Variants in ZC3H15 observed in about 807,000 individuals in gnomAD.
ZC3H15 encodes the protein zinc finger CCCH domain-containing protein 15.
In ZC3H15, 15 loss-of-function variants were observed where a neutral mutation model predicts 51.2. The ratio of observed to expected loss-of-function variants is 0.29; its 90% CI spans 0.20 to 0.45. The LOEUF (loss-of-function observed/expected upper bound fraction) is 0.45, where lower values mean the gene tolerates loss of function less well. ZC3H15 is among the 20% of genes least tolerant of loss of function. ZC3H15 has a pLI of 1.00. For missense variants in ZC3H15, 381 were observed against 494.7 expected (o/e 0.77, Z 2.18); for synonymous variants, 144 against 162.8 (o/e 0.88, Z 0.88).
At chr2:186,495,606 C>G (rs1334611754) in intron 2 of ZC3H15, among the ~76,000 whole-genome samples, 1 of 152,212 alleles carries the variant, frequency 6.6e-6, no homozygotes, top group African/African-American at 2.4e-5. Context: ...TAAGTGATCA[C>G]TTTGTTTCCA....
chr2:186,496,132 A>G (rs1685277734), intron 2 of ZC3H15, among the ~76,000 whole-genome samples: 1 of 152,236 alleles, frequency 6.6e-6, no homozygotes, highest in Non-Finnish European at 1.5e-5. Context: ...TTTTAAAAAT[A>G]TGGTTATAAG....
intron 1 of ZC3H15, among the ~76,000 whole-genome samples, chr2:186,492,521 TA>T (rs1325833308): frequency 1.3e-5 from 2 of 152,202 alleles, no homozygotes; most frequent in African/African-American, 4.8e-5. Flanking sequence ...AGCATTTAAG[TA>T]GAGGAAAGCA....
In ZC3H15 at chr2:186,486,360, G is replaced by GT; in HGVS notation, c.-23_-22insT. 6.5e-7 allele frequency: 1 copy of GT among 1,528,874 alleles called. No homozygotes were observed. The highest frequency in any genetic ancestry group is 1.7e-4 in the Middle Eastern group (1 of 5,878). 94.7% of individuals were successfully genotyped at this position (1,528,874 alleles called of 1,614,324 possible). A position where few individuals can be genotyped will look rare whatever the true frequency, so the allele number is the denominator to read the frequency against. The stretch of plus-strand genomic sequence containing the variant: ...ACGGTATTCAGCTGCGCGTAAGTCT[G>GT]GCCGGTGCCATCTGTCTCCGCAATG... On this transcript the variant is annotated 5_prime_UTR_variant, in exon 1 of 10. Transcript: ENST00000337859.
At chr2:186,505,985 G>C (rs1367461280) in intron 8 of ZC3H15, 144 bp downstream of exon 8, 1 of 786,376 alleles carries the variant, frequency 1.3e-6, no homozygotes, top group African/African-American at 1.7e-5. Context: ...ATTAATCTAG[G>C]CCTCCACCCT....
chr2:186,494,096 C>T (rs948546108), intron 1 of ZC3H15, among the ~76,000 whole-genome samples: 1 of 151,416 alleles, frequency 6.6e-6, no homozygotes, highest in Non-Finnish European at 1.5e-5. Context: ...CTCCCCCCAA[C>T]CCCATACTGC....
chr2:186,505,199 TATGAC>T (rs1413764175), intron 6 of ZC3H15: 2 of 221,140 alleles, frequency 9.0e-6, no homozygotes, highest in African/African-American at 4.5e-5. Context: ...AACAATTTCT[TATGAC>T]AAGTTACTCA....
At chr2:186,486,611 C>T (rs902912095) in intron 1 of ZC3H15, among the ~76,000 whole-genome samples, 154 bp downstream of exon 1, 10 of 82,888 alleles carry the variant, frequency 1.2e-4, no homozygotes, top group Non-Finnish European at 1.2e-4. Flanking sequence ...CCCCTGATGA[C>T]GCTAGCTCTC....
chr2:186,501,499 A>C, intron 4 of ZC3H15, 74 bp downstream of exon 4: 1 of 1,233,230 alleles, frequency 8.1e-7, no homozygotes, highest in Non-Finnish European at 1.1e-6. Flanking sequence ...TATTTATTAA[A>C]TTGAAGAACA....
chr2:186,494,024 C>A (rs997718269), intron 1 of ZC3H15, among the ~76,000 whole-genome samples: 27 of 151,396 alleles, frequency 1.8e-4, no homozygotes, highest in African/African-American at 6.1e-4. Flanking sequence ...CACGCTTGCT[C>A]ATACTTGTGC....
At chr2:186,492,875 A>G (rs1374409468) in intron 1 of ZC3H15, among the ~76,000 whole-genome samples, 1 of 152,216 alleles carries the variant, frequency 6.6e-6, no homozygotes, top group Non-Finnish European at 1.5e-5. Flanking sequence ...GAGGGTCTCA[A>G]ATTACTTTGA....
At chr2:186,502,977 A>C (rs570191393) in intron 5 of ZC3H15, among the ~76,000 whole-genome samples, 2 of 152,308 alleles carry the variant, frequency 1.3e-5, no homozygotes, top group East Asian at 3.9e-4. Context: ...TTTAAATTTT[A>C]AGGTTTAAAA....
intron 2 of ZC3H15, among the ~76,000 whole-genome samples, chr2:186,496,084 ATAT>A: frequency 1.3e-5 from 2 of 152,212 alleles, no homozygotes; most frequent in African/African-American, 4.8e-5. Context: ...ACTTACATGT[ATAT>A]ATAGAGTTTA....
Position 186,500,265 on chromosome 2 carries a change from T to A in ZC3H15, c.261T>A (p.Pro87=). The part of the protein sequence containing the change: ...ELQELNELFK[P]VVAAQKISKG... Reference sequence around the variant, plus strand: ...AGGAGCTAAATGAGCTGTTCAAACCTGTAGTTGCTGCTCAAAAAATAAGTA... The same window carrying A: ...AGGAGCTAAATGAGCTGTTCAAACCAGTAGTTGCTGCTCAAAAAATAAGTA... The change falls in exon 3 of 10, where the codon CCT becomes CCA. Residue 87 remains proline (P), a synonymous_variant. Transcript: ENST00000337859. The A allele has an allele frequency of 2.5e-6, 4 of 1,607,482 alleles. No individual in the cohort carries two copies. Among genetic ancestry groups the A allele is most frequent in the Non-Finnish European group, 3.4e-6 (4 of 1,178,454 alleles).
In ZC3H15 at chr2:186,508,622, G is replaced by A. The variant is rs756353259; in HGVS notation, c.1170G>A (p.Glu390=). Residue 390 remains glutamate (E), a synonymous_variant, in exon 10 of 10, where the codon GAG becomes GAA. Transcript: ENST00000337859. Reference sequence around the variant, plus strand: ...ACTTGGAAGAGGACAACGAGAGGGAGGGAACGGAAAATGGAGCCATTGATG... The same window carrying A: ...ACTTGGAAGAGGACAACGAGAGGGAAGGAACGGAAAATGGAGCCATTGATG... The part of the protein sequence containing the change: ...RSDLEEDNER[E]GTENGAIDAV... 3.0e-5 allele frequency: 49 copies of A among 1,613,920 alleles called. No individual in the cohort carries two copies. The highest frequency in any genetic ancestry group is 4.2e-5 in the Non-Finnish European group (49 of 1,179,978).
In ZC3H15 at chr2:186,486,473, TC is replaced by T; in HGVS notation, c.75+21del. 2 of 1,532,540 alleles carry T rather than the reference TC, an allele frequency of 1.3e-6. No individual in the cohort carries two copies. Among genetic ancestry groups the T allele is most frequent in the Non-Finnish European group, 1.8e-6 (2 of 1,136,206 alleles). The allele number at this position is 1,532,540 out of a possible 1,614,324, so 94.9% of individuals were successfully genotyped here. On this transcript the variant is annotated intron_variant, in intron 1 of 9. Transcript: ENST00000337859. The stretch of plus-strand genomic sequence containing the variant: ...GATTATCGAAGTGAGTACCCACCCC[TC>T]CCCCACTCACGCCGCGAGCCCTCCG...
At position 186,508,863 on chromosome 2, in the gene ZC3H15, C is replaced by A; in HGVS notation, c.*130C>A. On this transcript the variant is annotated 3_prime_UTR_variant, in exon 10 of 10. Transcript: ENST00000337859. ...TGATTCTGGAGGAGTTAACCTCCTG[C>A]AAAAAAGGCATCTTGTCCCTACATC... 1 of 947,998 alleles carries A rather than the reference C, an allele frequency of 1.1e-6. No individual in the cohort carries two copies. The highest frequency in any genetic ancestry group is 1.6e-6 in the Non-Finnish European group (1 of 639,488). The allele number at this position is 947,998 out of a possible 1,614,324, so 58.7% of individuals were successfully genotyped here.
intron 1 of ZC3H15, among the ~76,000 whole-genome samples, chr2:186,493,230 G>T (rs1157464123): frequency 5.9e-5 from 9 of 152,078 alleles, no homozygotes; most frequent in Non-Finnish European, 1.3e-4. Flanking sequence ...ATCTACTACA[G>T]CTCAGCCAGG....
Position 186,504,146 on chromosome 2 carries a change from T to C in ZC3H15, c.649T>C (p.Leu217=). The C allele has an allele frequency of 1.9e-6, 3 of 1,610,514 alleles. No homozygotes were observed. The highest frequency in any genetic ancestry group is 2.5e-6 in the Non-Finnish European group (3 of 1,178,246). The stretch of plus-strand genomic sequence containing the variant: ...TCATGCACTTCCTCCTGGATTTGTG[T>C]TGAAAAAAGATAAAAAGAAAGAAGA... ...YRHALPPGFV[L]KKDKKKEEKE... is the part of the protein sequence containing the mutation. Residue 217 remains leucine (L), a synonymous_variant, in exon 6 of 10, where the codon TTG becomes CTG. Coordinates refer to ENST00000337859, the MANE Select transcript of ZC3H15 (RefSeq NM_018471.3).
At chr2:186,498,341 C>T (rs1685317240) in intron 2 of ZC3H15, among the ~76,000 whole-genome samples, 1 of 151,986 alleles carries the variant, frequency 6.6e-6, no homozygotes, top group Non-Finnish European at 1.5e-5. Context: ...TAAATTTGAA[C>T]CTGTCCTTCC....
Sources: allele counts gnomAD v4.1 joint callset (sites outside exome capture counted in the v4.1 genomes callset), GRCh38; gene constraint gnomAD v4.1.1; transcripts MANE v1.5; gene names NCBI Gene and HGNC (gene_info 2026-07-23, HGNC 2026-07-21).